The following POLDIP3 variants were observed in gnomAD, a reference collection of about 807,000 sequenced individuals.
The protein encoded by POLDIP3 is polymerase delta-interacting protein 3.
A neutral mutation model predicts 45.1 loss-of-function variants in POLDIP3; 14 were observed. That is an observed-to-expected ratio of 0.31 (90% CI 0.20 to 0.49). The LOEUF is 0.49. Among genes scored for constraint, POLDIP3 ranks in the 20% least tolerant of loss-of-function variants. The pLI is 0.99. For synonymous variants in POLDIP3, 223 were observed against 205.2 expected, an observed-to-expected ratio of 1.09 and a Z score of -0.74; for missense variants, 511 against 538.8, an observed-to-expected ratio of 0.95 and a Z score of 0.51.
chr22:42,590,820 T>C (rs1296529527), intron 7 of POLDIP3, among the ~76,000 whole-genome samples: 2 of 152,202 alleles, frequency 1.3e-5, no homozygotes, highest in African/African-American at 2.4e-5. Context: ...CCTATAATCC[T>C]AGCACTTTTG....
chr22:42,585,068 G>C lies in POLDIP3; in HGVS notation c.*723C>G. ...GACACCCAGAAGGGAAAGAGAGCTG[G>C]GGTGGGGCATTCAGCACAACTCAAG... On this transcript the variant is annotated 3_prime_UTR_variant, in exon 9 of 9. Transcript: ENST00000252115. 1 of 451,892 alleles carries C rather than the reference G, an allele frequency of 2.2e-6. No homozygotes were observed. Among genetic ancestry groups the C allele is most frequent in the Non-Finnish European group, 4.4e-6 (1 of 225,150 alleles). 28.0% of individuals were successfully genotyped at this position (451,892 alleles called of 1,614,324 possible).
At chr22:42,592,172 T>C in intron 6 of POLDIP3, 88 bp from the exon 7 acceptor site, 1 of 1,569,856 alleles carries the variant, frequency 6.4e-7, no homozygotes, top group Non-Finnish European at 8.7e-7. Context: ...GTGTGGTGGT[T>C]CCGCTGCAGC....
rs1430035924 is a variant in POLDIP3, at chr22:42,585,032, C to T, written c.*759G>A. The T allele has an allele frequency of 4.4e-6, 2 of 455,554 alleles. No individual in the cohort carries two copies. The highest frequency in any genetic ancestry group is 3.2e-4 in the Middle Eastern group (1 of 3,086). The allele number at this position is 455,554 out of a possible 1,614,324, so 28.2% of individuals were successfully genotyped here. ...CCGGGAGGGCTCACAACACAGCCCCCTCCCAGCAAAGACACCCAGAAGGGA... is the reference window on the plus strand; with the variant it reads ...CCGGGAGGGCTCACAACACAGCCCCTTCCCAGCAAAGACACCCAGAAGGGA... On this transcript the variant is annotated 3_prime_UTR_variant, in exon 9 of 9. Coordinates refer to ENST00000252115, the MANE Select transcript of POLDIP3 (RefSeq NM_032311.5).
intron 7 of POLDIP3, 73 bp from the exon 8 acceptor site, chr22:42,587,645 C>A (rs1925396609): frequency 1.4e-6 from 2 of 1,403,564 alleles, no homozygotes; most frequent in Non-Finnish European, 1.0e-6. Flanking sequence ...AAGGGCTGTA[C>A]CTCCATTATC....
At chr22:42,592,504 T>C (rs1925730630) in intron 6 of POLDIP3, among the ~76,000 whole-genome samples, 1 of 152,214 alleles carries the variant, frequency 6.6e-6, no homozygotes, top group Admixed American at 6.5e-5. Context: ...AGAGTCCTGG[T>C]TTGGCTGGAC....
intron 5 of POLDIP3, 80 bp from the exon 6 acceptor site, chr22:42,595,694 A>T: frequency 7.6e-7 from 1 of 1,315,274 alleles, no homozygotes; most frequent in Non-Finnish European, 1.1e-6. Context: ...CAGGCACGTG[A>T]CTAGGAAGGC....
chr22:42,592,514 C>A (rs141026016), intron 6 of POLDIP3, among the ~76,000 whole-genome samples: 10 of 152,352 alleles, frequency 6.6e-5, no homozygotes, highest in Middle Eastern at 3.4e-3. Flanking sequence ...TTTGGCTGGA[C>A]TGAAGGGTTT....
chr22:42,610,604 T>C (rs1223622985), intron 1 of POLDIP3, among the ~76,000 whole-genome samples: 1 of 152,136 alleles, frequency 6.6e-6, no homozygotes, highest in East Asian at 1.9e-4. Context: ...GATGCCCTCA[T>C]ATCTAAAGGA....
intron 1 of POLDIP3, among the ~76,000 whole-genome samples, chr22:42,614,531 G>A (rs1927345086): frequency 6.6e-6 from 1 of 152,112 alleles, no homozygotes; most frequent in Non-Finnish European, 1.5e-5. Context: ...GGGCCCCAGG[G>A]GGCAGCCCCT....
At chr22:42,608,354 T>C (rs150736519) in intron 1 of POLDIP3, among the ~76,000 whole-genome samples, 87 of 144,778 alleles carry the variant, frequency 6.0e-4, no homozygotes, top group African/African-American at 2.2e-3. Flanking sequence ...GCCCAGGAGG[T>C]CCAGGCTGCA....
intron 1 of POLDIP3, among the ~76,000 whole-genome samples, chr22:42,609,437 C>A (rs781500974): frequency 6.6e-6 from 1 of 152,158 alleles, no homozygotes; most frequent in Non-Finnish European, 1.5e-5. Flanking sequence ...CCTCTATACC[C>A]CCTACGGGAA....
rs936381487 is a variant in POLDIP3, at chr22:42,583,864, C to A, written c.*1927G>T. 4 of 152,592 alleles carry A rather than the reference C, an allele frequency of 2.6e-5. No individual in the cohort carries two copies. Among genetic ancestry groups the A allele is most frequent in the Non-Finnish European group, 2.9e-5 (2 of 68,146 alleles). The allele number at this position is 152,592 out of a possible 1,614,324, so 9.5% of individuals were successfully genotyped here. A position where few individuals can be genotyped will look rare whatever the true frequency, so the allele number is the denominator to read the frequency against. ...GAAGTGGAGGAGGACACAGGACTAG[C>A]CCACCACCTTCTCCTCCCGGTCTCC... On this transcript the variant is annotated 3_prime_UTR_variant, in exon 9 of 9. Transcript: ENST00000252115.
At chr22:42,605,784 C>T (rs1324185337) in intron 1 of POLDIP3, among the ~76,000 whole-genome samples, 1 of 152,146 alleles carries the variant, frequency 6.6e-6, no homozygotes, top group African/African-American at 2.4e-5. Flanking sequence ...CTACCCTAGG[C>T]TTCGTGTTCC....
intron 1 of POLDIP3, among the ~76,000 whole-genome samples, chr22:42,609,438 C>T (rs922298252): frequency 9.2e-5 from 14 of 152,276 alleles, no homozygotes; most frequent in African/African-American, 3.1e-4. Context: ...CTCTATACCC[C>T]CTACGGGAAC....
chr22:42,593,977 C>T (rs951847992), intron 6 of POLDIP3, among the ~76,000 whole-genome samples: 2 of 152,266 alleles, frequency 1.3e-5, no homozygotes, highest in African/African-American at 4.8e-5. Context: ...AAGATTTAAC[C>T]TCAGCTGGGC....
chr22:42,597,521 G>C (rs1012768200), intron 4 of POLDIP3, among the ~76,000 whole-genome samples: 9 of 152,202 alleles, frequency 5.9e-5, no homozygotes, highest in African/African-American at 1.7e-4. Context: ...CATCAGCTGG[G>C]TGATGTTGAA....
chr22:42,600,728 G>T (rs1926309580), intron 3 of POLDIP3, among the ~76,000 whole-genome samples: 1 of 152,128 alleles, frequency 6.6e-6, no homozygotes, highest in Non-Finnish European at 1.5e-5. Flanking sequence ...CCAGCACTTT[G>T]GGAGGCCAAG....
chr22:42,605,056 A>G (rs759846053), intron 1 of POLDIP3, among the ~76,000 whole-genome samples: 11 of 152,216 alleles, frequency 7.2e-5, no homozygotes, highest in Non-Finnish European at 1.3e-4. Context: ...CCCTCATCAG[A>G]CATGGAATCT....
intron 7 of POLDIP3, among the ~76,000 whole-genome samples, chr22:42,588,827 C>T (rs949156083): frequency 1.3e-5 from 2 of 152,084 alleles, no homozygotes; most frequent in African/African-American, 4.8e-5. Context: ...GGGGTTTCCT[C>T]ATATTGGTCA....
Sources: allele counts gnomAD v4.1 joint callset (sites outside exome capture counted in the v4.1 genomes callset), GRCh38; gene constraint gnomAD v4.1.1; transcripts MANE v1.5; gene names NCBI Gene and HGNC (gene_info 2026-07-23, HGNC 2026-07-21).